Variants in MYO1E observed in about 807,000 individuals in gnomAD.
The protein encoded by MYO1E is unconventional myosin-Ie.
In MYO1E, 68 loss-of-function variants were observed where a neutral mutation model predicts 151.1. The ratio of observed to expected loss-of-function variants is 0.45; its 90% CI spans 0.37 to 0.55. MYO1E has a LOEUF of 0.55. Ranked by LOEUF, MYO1E falls within the 20% of genes least tolerant of loss-of-function variation. The probability of loss-of-function intolerance (pLI) is 0.00; values close to 1 mark genes in which losing one functional copy is unlikely to be tolerated. For missense variants in MYO1E, 1,363 were observed against 1,389.3 expected (o/e 0.98, Z 0.30); for synonymous variants, 601 against 501.7 (o/e 1.20, Z -2.64).
chr15:59,196,870 A>T (rs549286557), intron 16 of MYO1E, among the ~76,000 whole-genome samples: 1 of 151,974 alleles, frequency 6.6e-6, no homozygotes, highest in Non-Finnish European at 1.5e-5. Flanking sequence ...CATCAGGTGG[A>T]GCCGGAGAGG....
At chr15:59,177,628 C>T (rs1242058314) in intron 19 of MYO1E, among the ~76,000 whole-genome samples, 3 of 152,270 alleles carry the variant, frequency 2.0e-5, no homozygotes, top group East Asian at 1.9e-4. Context: ...GTCTTTATTC[C>T]GCAGCCCTGG....
chr15:59,335,601 G>A (rs1350861908), intron 1 of MYO1E, among the ~76,000 whole-genome samples: 1 of 152,162 alleles, frequency 6.6e-6, no homozygotes, highest in Non-Finnish European at 1.5e-5. Context: ...GGCCAGGCTT[G>A]CTCTCAGATC....
intron 16 of MYO1E, among the ~76,000 whole-genome samples, chr15:59,199,657 T>A (rs1331829146): frequency 1.3e-5 from 2 of 152,202 alleles, no homozygotes; most frequent in Non-Finnish European, 2.9e-5. Flanking sequence ...GAATATTCTA[T>A]TAGTTAAATC....
chr15:59,207,395 G>A, intron 14 of MYO1E: 1 of 1,614,038 alleles, frequency 6.2e-7, no homozygotes, highest in Non-Finnish European at 8.5e-7. Flanking sequence ...CAAGAAAAGG[G>A]AGAAACGCGC....
intron 1 of MYO1E, among the ~76,000 whole-genome samples, chr15:59,368,354 G>T (rs1044027218): frequency 6.6e-6 from 1 of 152,070 alleles, no homozygotes; most frequent in Non-Finnish European, 1.5e-5. Flanking sequence ...AGTGGCTCAT[G>T]CCTGTAATCA....
intron 1 of MYO1E, among the ~76,000 whole-genome samples, chr15:59,336,358 G>A (rs1400388008): frequency 6.6e-6 from 1 of 151,692 alleles, no homozygotes; most frequent in Non-Finnish European, 1.5e-5. Flanking sequence ...TGATGGGAGT[G>A]AAACGCTGTC....
chr15:59,345,384 G>A (rs1037442871), intron 1 of MYO1E, among the ~76,000 whole-genome samples: 5 of 152,140 alleles, frequency 3.3e-5, no homozygotes, highest in Non-Finnish European at 5.9e-5. Context: ...TTCTCTTGGG[G>A]AGCCTCAAAA....
At chr15:59,319,550 C>CT (rs59491381) in intron 1 of MYO1E, among the ~76,000 whole-genome samples, 2,688 of 63,268 alleles carry the variant, frequency 0.042, 438 homozygotes, top group Non-Finnish European at 0.062. Context: ...GTCAAACTAC[C>CT]TTTTTTTTTT....
At chr15:59,225,317 C>G (rs2079983012) in intron 7 of MYO1E, among the ~76,000 whole-genome samples, 1 of 152,206 alleles carries the variant, frequency 6.6e-6, no homozygotes, top group African/African-American at 2.4e-5. Flanking sequence ...AGCTTCTCCC[C>G]TCACCACTCT....
intron 12 of MYO1E, among the ~76,000 whole-genome samples, chr15:59,213,169 ATTATTAT>A (rs1297043049): frequency 1.4e-5 from 2 of 147,292 alleles, no homozygotes; most frequent in African/African-American, 4.9e-5. Context: ...TATTATTATT[ATTATTAT>A]TATTATTATT....
chr15:59,171,890 T>C lies in MYO1E; in HGVS notation c.2480+7A>G. 6.2e-7 allele frequency: 1 copy of C among 1,614,184 alleles called. No homozygotes were observed. Among genetic ancestry groups the C allele is most frequent in the South Asian group, 1.1e-5 (1 of 91,088 alleles). On this transcript the variant is annotated splice_region_variant and intron_variant, in intron 22 of 27. Transcript: ENST00000288235. ...GGCAGTCCTGCCTCTGCACCTCCAC[T>C]ACTCACCTGAGGGACACAGACAAGA...
At chr15:59,165,388 C>T (rs3794496) in intron 22 of MYO1E, among the ~76,000 whole-genome samples, 50,006 of 152,014 alleles carry the variant, frequency 0.33, 9,177 homozygotes, top group East Asian at 0.58. Context: ...AGTCAGAACC[C>T]TTTACAGTGT....
At chr15:59,217,866 A>G in intron 10 of MYO1E, 25 bp downstream of exon 10, 1 of 1,611,712 alleles carries the variant, frequency 6.2e-7, no homozygotes, top group Non-Finnish European at 8.5e-7. Flanking sequence ...ATGAAGCATC[A>G]CCAGCATCAA....
At chr15:59,349,623 TTC>T (rs2080812906) in intron 1 of MYO1E, among the ~76,000 whole-genome samples, 1 of 152,166 alleles carries the variant, frequency 6.6e-6, no homozygotes, top group African/African-American at 2.4e-5. Context: ...ATTAATTTCG[TTC>T]TGTGATGTCT....
intron 1 of MYO1E, among the ~76,000 whole-genome samples, chr15:59,287,123 T>TG (rs1264424306): frequency 6.6e-6 from 1 of 152,144 alleles, no homozygotes; most frequent in Non-Finnish European, 1.5e-5. Context: ...ACCTTGGACT[T>TG]TAGGAGTGGG....
chr15:59,307,258 C>T (rs1448849327), intron 1 of MYO1E, among the ~76,000 whole-genome samples: 1 of 152,230 alleles, frequency 6.6e-6, no homozygotes, highest in African/African-American at 2.4e-5. Flanking sequence ...CGGGCATCTC[C>T]AGTGGCACAT....
chr15:59,227,336 G>T, intron 7 of MYO1E, 123 bp downstream of exon 7: 1 of 1,178,134 alleles, frequency 8.5e-7, no homozygotes, highest in Non-Finnish European at 1.2e-6. Flanking sequence ...ACATTGACTT[G>T]TACATGGTAT....
chr15:59,169,044 T>A (rs186109753), intron 22 of MYO1E, among the ~76,000 whole-genome samples: 2 of 152,338 alleles, frequency 1.3e-5, no homozygotes, highest in Admixed American at 1.3e-4. Context: ...ATACCAAATA[T>A]TTAGTCATGC....
intron 1 of MYO1E, among the ~76,000 whole-genome samples, chr15:59,343,622 T>A (rs765445503): frequency 2.6e-5 from 4 of 152,186 alleles, no homozygotes; most frequent in Admixed American, 2.6e-4. Flanking sequence ...CTACCTCCTT[T>A]AAGGCCAATA....
Sources: gnomAD v4.1 joint callset for allele counts (sites outside exome capture counted in the v4.1 genomes callset) on GRCh38, gnomAD v4.1.1 for gene constraint, MANE v1.5 for transcripts, NCBI Gene and HGNC (gene_info 2026-07-23, HGNC 2026-07-21) for gene names.